Variants in PROM1 observed in about 807,000 individuals in gnomAD.
PROM1 encodes prominin 1, also known as prominin-1.
Under a neutral mutation model 116.9 loss-of-function variants are expected in PROM1, and 105 were observed. The ratio of observed to expected loss-of-function variants is 0.90; its 90% CI spans 0.77 to 1.06. The LOEUF (loss-of-function observed/expected upper bound fraction) is 1.06, where lower values mean the gene tolerates loss of function less well. PROM1 is among the 50% of genes least tolerant of loss of function. The pLI is 0.00. For missense variants in PROM1, 1,122 were observed against 1,045.2 expected (o/e 1.07, Z -1.01); for synonymous variants, 393 against 387.0 (o/e 1.02, Z -0.18).
intron 2 of PROM1, among the ~76,000 whole-genome samples, chr4:16,048,365 C>T (rs1737004406): frequency 6.6e-6 from 1 of 152,186 alleles, no homozygotes; most frequent in Non-Finnish European, 1.5e-5. Context: ...TTTTCTGCTA[C>T]AACAGGGCTG....
Position 16,006,628 on chromosome 4 carries a change from C to A in PROM1, c.1364G>T (p.Gly455Val). The A allele has an allele frequency of 6.2e-7, 1 of 1,612,236 alleles. No individual in the cohort carries two copies. Among genetic ancestry groups the A allele is most frequent in the Non-Finnish European group, 8.5e-7 (1 of 1,179,292 alleles). ...ATAGCCGCACACGCCACACAGTAAG[C>A]CCAGGTAGTAAAAAATCACGATGAG... ...LTLIVIFYYL[G>V]LLCGVCGYDR... The change falls in exon 13 of 28, where the codon GGC becomes GTC. Residue 455 changes from glycine (G) to valine (V), a missense_variant. Physicochemically the swap from Gly to Val is moderately radical, Grantham distance 109. Coordinates refer to ENST00000447510, the MANE Select transcript of PROM1 (RefSeq NM_006017.3).
intron 9 of PROM1, among the ~76,000 whole-genome samples, chr4:16,016,880 T>C (rs184577739): frequency 6.6e-6 from 1 of 152,270 alleles, no homozygotes; most frequent in African/African-American, 2.4e-5. Context: ...CTGTTCCAGA[T>C]TAACAGGAAT....
At chr4:15,995,719 C>A (rs983703370) in intron 15 of PROM1, among the ~76,000 whole-genome samples, 1 of 152,204 alleles carries the variant, frequency 6.6e-6, no homozygotes, top group Non-Finnish European at 1.5e-5. Context: ...TCCCCACTAA[C>A]CTACTAAGAT....
At position 16,075,849 on chromosome 4, in the gene PROM1, C is replaced by T; in HGVS notation, c.58G>A (p.Gly20Arg). Residue 20 changes from glycine to arginine, a missense_variant, in exon 2 of 28, where the codon GGA becomes AGA. Physicochemically the swap from Gly to Arg is moderately radical, Grantham distance 125 (BLOSUM62 -2). Coordinates refer to ENST00000447510, the MANE Select transcript of PROM1 (RefSeq NM_006017.3). ...LLGLCGNSFS[G>R]GQPSSTDAPK... ...GCATCTGTGGATGAAGGCTGCCCTC[C>T]TGAAAAGGAGTTCCCGCACAGCCCC... The T allele has an allele frequency of 6.2e-7, 1 of 1,613,780 alleles. No individual in the cohort carries two copies. Among genetic ancestry groups the T allele is most frequent in the Non-Finnish European group, 8.5e-7 (1 of 1,179,846 alleles).
chr4:16,031,329 G>A (rs972539971), intron 5 of PROM1, among the ~76,000 whole-genome samples: 18 of 152,072 alleles, frequency 1.2e-4, no homozygotes, highest in Admixed American at 5.2e-4. Flanking sequence ...CAAATGTGGC[G>A]TGTAAGTTTC....
At position 15,991,280 on chromosome 4, in the gene PROM1, G is replaced by GTT. The variant is rs746250809; in HGVS notation, c.1924_1925insAA (p.Pro642GlnfsTer5). The GTT allele has an allele frequency of 1.9e-6, 3 of 1,604,008 alleles. No individual in the cohort carries two copies. The highest frequency in any genetic ancestry group is 2.5e-6 in the Non-Finnish European group (3 of 1,176,494). On this transcript the variant is annotated frameshift_variant, in exon 18 of 28. Transcript: ENST00000447510. LOFTEE classifies it high-confidence loss of function. ...AAATGATAAAAGATTCACTCCTGCGGGGGATTTACCAGTCTACAATAGAAG... is the reference window on the plus strand; with the variant it reads ...AAATGATAAAAGATTCACTCCTGCGGTTGGGATTTACCAGTCTACAATAGAAG...
At chr4:15,987,841 G>C in intron 19 of PROM1, 125 bp from the exon 20 acceptor site, 3 of 650,822 alleles carry the variant, frequency 4.6e-6, no homozygotes, top group Non-Finnish European at 7.6e-6. Flanking sequence ...TTTCATTCTA[G>C]AAAAAATAAC....
At position 16,077,538 on chromosome 4, in the gene PROM1, T is replaced by C. The variant is rs138168836; in HGVS notation, c.-212-1420A>G. On this transcript the variant is annotated intron_variant, in intron 1 of 27. Coordinates refer to ENST00000447510, the MANE Select transcript of PROM1 (RefSeq NM_006017.3). The stretch of plus-strand genomic sequence containing the variant: ...TCCCCTGGGCCCCCTTATTTCTTTC[T>C]CTATACTTTGTCTCTGTGTCTTTTT... 2.4e-3 allele frequency among the ~76,000 whole-genome samples: 365 copies of C among 152,254 alleles called. 5 individuals carry two copies. In the East Asian group the frequency reaches 0.039, roughly 16 times the overall value.
chr4:15,993,860 A>G, intron 16 of PROM1, 127 bp downstream of exon 16: 2 of 1,463,996 alleles, frequency 1.4e-6, no homozygotes, highest in Non-Finnish European at 1.8e-6. Flanking sequence ...TAAATATACC[A>G]AACATCACTT....
rs1166197641 is a variant in PROM1, at chr4:16,008,970, A to C, written c.1280T>G (p.Leu427Trp). ...ESYIHRNLPT[L>W]EEYDSYWWLG... The stretch of plus-strand genomic sequence containing the variant: ...TCACCAGTATGAATCATACTCTTCC[A>C]ATGTAGGTAAATTTCTGTGGATGTA... The change falls in exon 12 of 28, where the codon TTG becomes TGG. Residue 427 changes from leucine (L) to tryptophan (W), a missense_variant. Coordinates refer to ENST00000447510, the MANE Select transcript of PROM1 (RefSeq NM_006017.3). 2 of 1,591,536 alleles carry C rather than the reference A, an allele frequency of 1.3e-6. No individual in the cohort carries two copies. Among genetic ancestry groups the C allele is most frequent in the African/African-American group, 1.3e-5 (1 of 74,378 alleles).
chr4:15,983,027 C>A (rs1312205722), intron 23 of PROM1, among the ~76,000 whole-genome samples: 1 of 152,162 alleles, frequency 6.6e-6, no homozygotes, highest in African/African-American at 2.4e-5. Flanking sequence ...ACAACAGGGA[C>A]ACAGCCTTGA....
At chr4:16,027,034 T>C (rs1247620462) in intron 5 of PROM1, among the ~76,000 whole-genome samples, 1 of 152,236 alleles carries the variant, frequency 6.6e-6, no homozygotes, top group Non-Finnish European at 1.5e-5. Context: ...AGATAAGTGC[T>C]TCTCAAGCTG....
chr4:16,050,543 G>T (rs556687168), intron 2 of PROM1, among the ~76,000 whole-genome samples: 11 of 152,228 alleles, frequency 7.2e-5, no homozygotes, highest in Non-Finnish European at 1.2e-4. Context: ...CTGAAGAGAT[G>T]AGATTTCGTC....
At position 15,972,105 on chromosome 4, in the gene PROM1, G is replaced by C. The variant is rs75439405; in HGVS notation, c.2583-1023C>G. 2.8e-3 allele frequency among the ~76,000 whole-genome samples: 421 copies of C among 152,188 alleles called. 11 individuals carry two copies. The East Asian group carries it at 0.057, about 20-fold the overall frequency. On this transcript the variant is annotated intron_variant, in intron 26 of 27. Coordinates refer to ENST00000447510, the MANE Select transcript of PROM1 (RefSeq NM_006017.3). ...GCCTTATTGAGCAGAGGGATGCTGGGCACACTAACAGGATCACTGGTTCTT... is the reference window on the plus strand; with the variant it reads ...GCCTTATTGAGCAGAGGGATGCTGGCCACACTAACAGGATCACTGGTTCTT...
intron 19 of PROM1, among the ~76,000 whole-genome samples, chr4:15,988,547 G>C (rs1340686831): frequency 6.6e-6 from 1 of 152,182 alleles, no homozygotes; most frequent in African/African-American, 2.4e-5. Flanking sequence ...CTGCTGGTAG[G>C]CTGAATTTAG....
intron 2 of PROM1, among the ~76,000 whole-genome samples, chr4:16,068,648 C>T (rs1056452486): frequency 2.6e-5 from 4 of 152,182 alleles, no homozygotes; most frequent in African/African-American, 7.2e-5. Context: ...AATAAAGTGT[C>T]GCTCAATTCT....
In PROM1 at chr4:16,067,187, G is replaced by A. The variant is rs138228463; in HGVS notation, c.220+8500C>T. ...TGGAGGGAATAGGGTGCAGCACGGA[G>A]GGAAGAGCCTACGTTTGGAGGGCAC... On this transcript the variant is annotated intron_variant, in intron 2 of 27. Transcript: ENST00000447510. 3.9e-5 allele frequency among the ~76,000 whole-genome samples: 6 copies of A among 152,344 alleles called. No individual in the cohort carries two copies. In the East Asian group the frequency reaches 1.2e-3, roughly 29 times the overall value.
At chr4:15,994,349 G>A (rs959200665) in intron 15 of PROM1, among the ~76,000 whole-genome samples, 3 of 152,164 alleles carry the variant, frequency 2.0e-5, no homozygotes, top group Non-Finnish European at 2.9e-5. Flanking sequence ...TTCTGCTGTG[G>A]ACCACAAGTT....
Position 16,024,230 on chromosome 4 carries a change from A to G in PROM1, c.694+65T>C, listed in dbSNP as rs16892822. 158,626 of 1,390,700 alleles carry G rather than the reference A, an allele frequency of 0.11. 11,180 individuals are homozygous for G. The highest frequency in any genetic ancestry group is 0.33 in the East Asian group (14,036 of 43,032). The allele number at this position is 1,390,700 out of a possible 1,614,324, so 86.1% of individuals were successfully genotyped here. On this transcript the variant is annotated intron_variant, in intron 7 of 27. Coordinates refer to ENST00000447510, the MANE Select transcript of PROM1 (RefSeq NM_006017.3). ...TTTCACGTACGTCATTTCTTAGTCC[A>G]TGTTTTATGGGAGATGAGTCAAAAC... is the stretch of plus-strand genomic sequence containing the variant.
Sources: allele counts gnomAD v4.1 joint callset (sites outside exome capture counted in the v4.1 genomes callset), GRCh38; gene constraint gnomAD v4.1.1; transcripts MANE v1.5; gene names NCBI Gene and HGNC (gene_info 2026-07-23, HGNC 2026-07-21).